EEFSEC: variants seen among roughly 807,000 people sequenced by gnomAD.
The protein encoded by EEFSEC is selenocysteine-specific elongation factor.
A neutral mutation model predicts 42.1 loss-of-function variants in EEFSEC; 43 were observed. The ratio of observed to expected loss-of-function variants is 1.02; its 90% CI spans 0.80 to 1.32. The LOEUF is 1.32. Among genes scored for constraint, EEFSEC ranks in the 40% most tolerant of loss-of-function variants. EEFSEC has a pLI of 0.00. For missense variants in EEFSEC, 745 were observed against 803.6 expected (o/e 0.93, Z 0.88); for synonymous variants, 354 against 339.1 (o/e 1.04, Z -0.48).
intron 5 of EEFSEC, among the ~76,000 whole-genome samples, chr3:128,353,824 C>T (rs1393629527): frequency 3.0e-4 from 45 of 152,272 alleles, no homozygotes; most frequent in Non-Finnish European, 2.1e-4. Flanking sequence ...TTTACTGAGC[C>T]CCCTGTTCCC....
chr3:128,300,904 T>C lies in EEFSEC; in HGVS notation c.786+36123T>C, dbSNP rs2066760090. 2.2e-5 allele frequency among the ~76,000 whole-genome samples: 3 copies of C among 137,236 alleles called. No individual in the cohort carries two copies. The South Asian group carries it at 7.0e-4, about 32-fold the overall frequency. The allele number at this position is 137,236 out of a possible 152,430, so 90.0% of individuals were successfully genotyped here. A position where few individuals can be genotyped will look rare whatever the true frequency, so the allele number is the denominator to read the frequency against. ...AAGTAGGACTATACTGTGCTTATTG[T>C]TCTATGCTTGGGTATTTTTTTTTGC... On this transcript the variant is annotated intron_variant, in intron 4 of 6. Transcript: ENST00000254730.
Position 128,264,529 on chromosome 3 carries a change from G to C in EEFSEC, c.622-88G>C, listed in dbSNP as rs1186888370. On this transcript the variant is annotated intron_variant, in intron 3 of 6. Coordinates refer to ENST00000254730, the MANE Select transcript of EEFSEC (RefSeq NM_021937.5). ...TTCACCTTGGCAGCCTTGATGAACTGCTGGTCAGCCACATTCTCTGCCTTC... is the reference window on the plus strand; with the variant it reads ...TTCACCTTGGCAGCCTTGATGAACTCCTGGTCAGCCACATTCTCTGCCTTC... 1.6e-5 allele frequency: 24 copies of C among 1,464,598 alleles called. No individual in the cohort carries two copies. In the Admixed American group the frequency reaches 4.2e-4, roughly 26 times the overall value. The allele number at this position is 1,464,598 out of a possible 1,614,324, so 90.7% of individuals were successfully genotyped here.
chr3:128,183,193 A>C (rs2065429932), intron 1 of EEFSEC, among the ~76,000 whole-genome samples: 1 of 152,216 alleles, frequency 6.6e-6, no homozygotes, highest in Non-Finnish European at 1.5e-5. Context: ...TATTACTGCT[A>C]GTACTTTATT....
At chr3:128,196,304 T>A (rs1046617829) in intron 1 of EEFSEC, among the ~76,000 whole-genome samples, 1 of 152,276 alleles carries the variant, frequency 6.6e-6, no homozygotes, top group Non-Finnish European at 1.5e-5. Flanking sequence ...AGATTTGGCA[T>A]GTGTATTTTC....
intron 1 of EEFSEC, among the ~76,000 whole-genome samples, chr3:128,222,436 C>T (rs927859410): frequency 2.0e-5 from 3 of 152,130 alleles, no homozygotes; most frequent in East Asian, 1.9e-4. Flanking sequence ...ACCTGTTACT[C>T]GGGTTAACTA....
intron 1 of EEFSEC, among the ~76,000 whole-genome samples, chr3:128,243,838 G>T (rs1232752958): frequency 6.6e-6 from 1 of 152,176 alleles, no homozygotes; most frequent in Non-Finnish European, 1.5e-5. Context: ...GTGTGGCGTG[G>T]GAGTTAAGAA....
At chr3:128,336,531 A>G (rs1205969859) in intron 4 of EEFSEC, among the ~76,000 whole-genome samples, 2 of 152,050 alleles carry the variant, frequency 1.3e-5, no homozygotes, top group Non-Finnish European at 2.9e-5. Flanking sequence ...TCCCTGGACC[A>G]CCGCACCTCA....
chr3:128,421,442 G>T, the EEFSEC span, among the ~76,000 whole-genome samples: 1 of 152,120 alleles, frequency 6.6e-6, no homozygotes, highest in African/African-American at 2.4e-5. Flanking sequence ...TTCAAGGGGG[G>T]TCCCAAGAAC....
chr3:128,200,064 G>A (rs746521317), intron 1 of EEFSEC, among the ~76,000 whole-genome samples: 6 of 151,670 alleles, frequency 4.0e-5, no homozygotes, highest in East Asian at 3.9e-4. Context: ...AGTTACCACC[G>A]AGGAAAAGTA....
chr3:128,194,783 A>G (rs1346433868), intron 1 of EEFSEC, among the ~76,000 whole-genome samples: 1 of 152,262 alleles, frequency 6.6e-6, no homozygotes, highest in Non-Finnish European at 1.5e-5. Context: ...GTTCAGTAAT[A>G]TACAAAATAC....
intron 4 of EEFSEC, among the ~76,000 whole-genome samples, chr3:128,330,598 G>C (rs1158377376): frequency 6.6e-6 from 1 of 152,114 alleles, no homozygotes; most frequent in African/African-American, 2.4e-5. Context: ...GGCGCCACAG[G>C]GGTGAGGAGA....
intron 4 of EEFSEC, among the ~76,000 whole-genome samples, chr3:128,331,121 C>T (rs1253903779): frequency 4.7e-5 from 1 of 21,464 alleles, no homozygotes; most frequent in African/African-American, 2.4e-4. Context: ...CTCTTCCCCC[C>T]TTCTCAGTGC....
At chr3:128,246,208 G>A (rs1037827460) in intron 1 of EEFSEC, among the ~76,000 whole-genome samples, 1 of 145,430 alleles carries the variant, frequency 6.9e-6, no homozygotes, top group Non-Finnish European at 1.5e-5. Flanking sequence ...TGTACAGTAG[G>A]ATGATGCTCA....
intron 6 of EEFSEC, among the ~76,000 whole-genome samples, chr3:128,394,633 T>A (rs1304739755): frequency 2.6e-5 from 4 of 151,164 alleles, no homozygotes; most frequent in Non-Finnish European, 5.9e-5. Context: ...GGAGTGAGTG[T>A]TTGGAGTATT....
In EEFSEC at chr3:128,407,598, G is replaced by A. The variant is rs141787876; in HGVS notation, c.1601-471G>A. Among the ~76,000 whole-genome samples the A allele has an allele frequency of 2.6e-3, 397 of 152,300 alleles. 1 individual carries two copies. The highest frequency in any genetic ancestry group is 9.1e-3 in the African/African-American group (380 of 41,576). On this transcript the variant is annotated intron_variant, in intron 6 of 6. Coordinates refer to ENST00000254730, the MANE Select transcript of EEFSEC (RefSeq NM_021937.5). ...GGAGCCAGGGATACACACCCTGACT[G>A]CCCTCTCTTCCCACACTCTGGCCTG...
chr3:128,390,839 A>AC (rs2067903803), intron 6 of EEFSEC, among the ~76,000 whole-genome samples: 1 of 152,124 alleles, frequency 6.6e-6, no homozygotes, highest in East Asian at 1.9e-4. Context: ...CTCTCCCCAC[A>AC]CGCTGGCCCC....
At chr3:128,180,833 C>A (rs2065397874) in intron 1 of EEFSEC, among the ~76,000 whole-genome samples, 1 of 152,172 alleles carries the variant, frequency 6.6e-6, no homozygotes. Flanking sequence ...AAGGCATAGT[C>A]TTTGAAAATC....
chr3:128,353,826 C>G (rs2067418671), intron 5 of EEFSEC, among the ~76,000 whole-genome samples: 1 of 152,200 alleles, frequency 6.6e-6, no homozygotes, highest in South Asian at 2.1e-4. Flanking sequence ...TACTGAGCCC[C>G]CTGTTCCCGA....
chr3:128,379,936 A>G (rs1434172461), intron 6 of EEFSEC, among the ~76,000 whole-genome samples: 1 of 152,206 alleles, frequency 6.6e-6, no homozygotes, highest in East Asian at 1.9e-4. Flanking sequence ...GGGCCCACAC[A>G]TGCTCCACCT....
Sources: gnomAD v4.1 joint callset for allele counts (sites outside exome capture counted in the v4.1 genomes callset) on GRCh38, gnomAD v4.1.1 for gene constraint, MANE v1.5 for transcripts, NCBI Gene and HGNC (gene_info 2026-07-23, HGNC 2026-07-21) for gene names.